The following BRWD3 variants were observed in gnomAD, a reference collection of about 807,000 sequenced individuals.
BRWD3 encodes bromodomain and WD repeat-containing protein 3.
A neutral mutation model predicts 149.7 loss-of-function variants in BRWD3; 10 were observed. The observed-to-expected ratio is 0.07, with a 90% CI of 0.04 to 0.11. The LOEUF is 0.11. Ranked by LOEUF, BRWD3 falls within the 10% of genes least tolerant of loss-of-function variation. The pLI is 1.00. For synonymous variants in BRWD3, 504 were observed against 456.7 expected, an observed-to-expected ratio of 1.10 and a Z score of -1.32; for missense variants, 940 against 1,373.2, an observed-to-expected ratio of 0.68 and a Z score of 4.99.
intron 24 of BRWD3, among the ~76,000 whole-genome samples, chrX:80,703,235 G>A (rs2072815417): frequency 9.0e-6 from 1 of 110,693 alleles, no homozygotes; most frequent in African/African-American, 3.3e-5. Context: ...GACTTCACAA[G>A]CTGATTAATT....
intron 4 of BRWD3, among the ~76,000 whole-genome samples, chrX:80,804,656 G>C (rs776760643): frequency 8.9e-6 from 1 of 112,004 alleles, no homozygotes; most frequent in East Asian, 2.8e-4. Context: ...AACAAGAACT[G>C]TTCATTTAAA....
At chrX:80,726,100 ATGT>A (rs1294737226) in intron 14 of BRWD3, among the ~76,000 whole-genome samples, 5 of 110,006 alleles carry the variant, frequency 4.5e-5, no homozygotes, top group Non-Finnish European at 9.6e-5. Context: ...ACATGTTTAC[ATGT>A]TATGTGTCTG....
intron 22 of BRWD3, 59 bp downstream of exon 22, chrX:80,707,368 C>T (rs2072881664): frequency 8.8e-6 from 9 of 1,017,425 alleles, no homozygotes; most frequent in Middle Eastern, 5.1e-4. Flanking sequence ...CCTACGAGAA[C>T]ATAATTTCGT....
In BRWD3 at chrX:80,675,747, A is replaced by G. The variant is rs773664860; in HGVS notation, c.*862T>C. On this transcript the variant is annotated 3_prime_UTR_variant, in exon 41 of 41. Transcript: ENST00000373275. ...GTGGATGAGGATTTTTCAAATGTTTAAGTTATTTAAGCTACACAAATTCTA... is the reference window on the plus strand; with the variant it reads ...GTGGATGAGGATTTTTCAAATGTTTGAGTTATTTAAGCTACACAAATTCTA... 1.8e-5 allele frequency: 2 copies of G among 111,953 alleles called. No individual in the cohort carries two copies. Among genetic ancestry groups the G allele is most frequent in the South Asian group, 7.3e-4 (2 of 2,731 alleles). The allele number at this position is 111,953 out of a possible 1,213,427, so 9.2% of individuals were successfully genotyped here.
Position 80,709,536 on chromosome X carries a change from T to C in BRWD3, c.2367A>G (p.Thr789=), listed in dbSNP as rs774323609. The change falls in exon 21 of 41, where the codon ACA becomes ACG. Residue 789 remains threonine (T), a synonymous_variant. Transcript: ENST00000373275. ...GGTAAGTATGCTGACGTTTGCGCTGTGTCCTGCGTAAAGAACGCCCACAGC... is the reference window on the plus strand; with the variant it reads ...GGTAAGTATGCTGACGTTTGCGCTGCGTCCTGCGTAAAGAACGCCCACAGC... The part of the protein sequence containing the change: ...EPSCGRSLRR[T]QRKRQHTYQT... 3.3e-6 allele frequency: 4 copies of C among 1,210,560 alleles called. No individual in the cohort carries two copies. Among genetic ancestry groups the C allele is most frequent in the Non-Finnish European group, 3.4e-6 (3 of 894,603 alleles).
At chrX:80,758,081 C>T (rs1404510096) in intron 6 of BRWD3, among the ~76,000 whole-genome samples, 2 of 111,284 alleles carry the variant, frequency 1.8e-5, no homozygotes, top group Non-Finnish European at 3.8e-5. Context: ...TGACTGTAAT[C>T]CCAGTTACTC....
rs924820365 is a variant in BRWD3, at chrX:80,725,074, T to C, written c.1387-7A>G. On this transcript the variant is annotated splice_polypyrimidine_tract_variant and splice_region_variant and intron_variant, in intron 14 of 40. Transcript: ENST00000373275. The stretch of plus-strand genomic sequence containing the variant: ...ATACTTCATCATCATGTCCCTATAA[T>C]AAAAATCAGTATTAACAATGAAAGC... The C allele has an allele frequency of 4.2e-6, 5 of 1,203,849 alleles. No homozygotes were observed. In the African/African-American group the frequency reaches 5.3e-5, roughly 13 times the overall value.
At chrX:80,691,737 T>C (rs955419533) in intron 30 of BRWD3, 86 bp downstream of exon 30, 2 of 1,088,773 alleles carry the variant, frequency 1.8e-6, no homozygotes, top group Non-Finnish European at 2.5e-6. Flanking sequence ...AGTGAGAAAC[T>C]GCATATCCTT....
Position 80,672,689 on chromosome X carries a change from G to A in BRWD3, c.*3920C>T, listed in dbSNP as rs758515593. 3.6e-5 allele frequency: 4 copies of A among 111,504 alleles called. No individual in the cohort carries two copies. Among genetic ancestry groups the A allele is most frequent in the Non-Finnish European group, 5.7e-5 (3 of 53,063 alleles). 9.2% of individuals were successfully genotyped at this position (111,504 alleles called of 1,213,427 possible). On this transcript the variant is annotated 3_prime_UTR_variant, in exon 41 of 41. Transcript: ENST00000373275. ...TGATAAACCTTTCATAAAGCCTCAC[G>A]TTCCACAAAAATATTGGGGATGGGG...
chrX:80,775,987 A>T (rs1400844438), intron 6 of BRWD3, among the ~76,000 whole-genome samples: 1 of 112,266 alleles, frequency 8.9e-6, no homozygotes, highest in Non-Finnish European at 1.9e-5. Context: ...GCTGCCTAAC[A>T]TCACAGAGTC....
chrX:80,725,955 TAA>T lies in BRWD3; in HGVS notation c.1387-890_1387-889del, dbSNP rs771475845. ...CTTGTTTACATGTTACATGTCTATA[TAA>T]CACATAACATGTTTACATGTTATAT... On this transcript the variant is annotated intron_variant, in intron 14 of 40. Coordinates refer to ENST00000373275, the MANE Select transcript of BRWD3 (RefSeq NM_153252.5). 2.5e-3 allele frequency among the ~76,000 whole-genome samples: 282 copies of T among 111,196 alleles called. 4 individuals are homozygous for T. Among genetic ancestry groups the T allele is most frequent in the African/African-American group, 9.0e-3 (277 of 30,924 alleles).
chrX:80,746,845 CT>C, intron 6 of BRWD3: 1 of 751,913 alleles, frequency 1.3e-6, no homozygotes, highest in Non-Finnish European at 1.6e-6. Flanking sequence ...TGAAGTCTTT[CT>C]TTCAGGCAAA....
At chrX:80,779,485 T>C (rs1422576866) in intron 6 of BRWD3, among the ~76,000 whole-genome samples, 1 of 109,895 alleles carries the variant, frequency 9.1e-6, no homozygotes, top group Non-Finnish European at 1.9e-5. Context: ...CCCAACACTT[T>C]GGGAAGCAAA....
At chrX:80,713,767 C>A (rs1009364584) in intron 20 of BRWD3, among the ~76,000 whole-genome samples, 1 of 112,335 alleles carries the variant, frequency 8.9e-6, no homozygotes, top group Non-Finnish European at 1.9e-5. Context: ...TCAAAACAAT[C>A]TACATACAAA....
chrX:80,685,555 T>TATA lies in BRWD3; in HGVS notation c.4006-22_4006-20dup. 1 of 1,143,717 alleles carries TATA rather than the reference T, an allele frequency of 8.7e-7. No individual in the cohort carries two copies. Among genetic ancestry groups the TATA allele is most frequent in the Non-Finnish European group, 1.2e-6 (1 of 834,997 alleles). 94.3% of individuals were successfully genotyped at this position (1,143,717 alleles called of 1,213,427 possible). ...GATGACCCTATTAGGGTGAAGAACA[T>TATA]ATACTGGTTTCCAGACAACTATAAC... On this transcript the variant is annotated intron_variant, in intron 35 of 40. Coordinates refer to ENST00000373275, the MANE Select transcript of BRWD3 (RefSeq NM_153252.5).
chrX:80,756,480 C>A (rs1168873829), intron 6 of BRWD3, among the ~76,000 whole-genome samples: 1 of 60,073 alleles, frequency 1.7e-5, no homozygotes, highest in Non-Finnish European at 2.8e-5. Context: ...CCAGCCTGGG[C>A]AACAAGAGCG....
intron 37 of BRWD3, among the ~76,000 whole-genome samples, 183 bp from the exon 38 acceptor site, chrX:80,682,811 T>G (rs1285209074): frequency 9.0e-6 from 1 of 111,410 alleles, no homozygotes; most frequent in Non-Finnish European, 1.9e-5. Context: ...TCAAATATAG[T>G]ATTCAATGTT....
intron 14 of BRWD3, among the ~76,000 whole-genome samples, chrX:80,727,310 T>G (rs1034809623): frequency 9.0e-6 from 1 of 111,376 alleles, no homozygotes; most frequent in Non-Finnish European, 1.9e-5. Context: ...AAAACTCTCA[T>G]GTCATTCCTT....
At chrX:80,715,279 A>G (rs1421649454) in intron 20 of BRWD3, among the ~76,000 whole-genome samples, 1 of 111,709 alleles carries the variant, frequency 9.0e-6, no homozygotes, top group African/African-American at 3.2e-5. Flanking sequence ...ATTTCTTAAC[A>G]ATAAAAGTTA....
Sources: gnomAD v4.1 joint callset for allele counts (sites outside exome capture counted in the v4.1 genomes callset) on GRCh38, gnomAD v4.1.1 for gene constraint, MANE v1.5 for transcripts, NCBI Gene and HGNC (gene_info 2026-07-23, HGNC 2026-07-21) for gene names.